IGSF5: variants seen among roughly 807,000 people sequenced by gnomAD.
IGSF5 encodes immunoglobulin superfamily member 5.
In IGSF5, 41 loss-of-function variants were observed where a neutral mutation model predicts 39.4. That is an observed-to-expected ratio of 1.04 (90% confidence interval 0.81 to 1.35). The LOEUF is 1.35. Ranked by LOEUF, IGSF5 falls within the 40% of genes most tolerant of loss-of-function variation. The pLI, the probability that IGSF5 is intolerant of heterozygous loss-of-function variation, is 0.00. For missense variants in IGSF5, 487 were observed against 494.6 expected (o/e 0.98, Z 0.15); for synonymous variants, 183 against 175.3 (o/e 1.04, Z -0.34).
At chr21:39,793,458 T>G in intron 7 of IGSF5, 76 bp from the exon 8 acceptor site, 1 of 1,150,176 alleles carries the variant, frequency 8.7e-7, no homozygotes, top group South Asian at 1.3e-5. Context: ...ATGTGTTTCT[T>G]TATAAATCAG....
chr21:39,734,971 C>T, the IGSF5 span, among the ~76,000 whole-genome samples: 1 of 151,960 alleles, frequency 6.6e-6, no homozygotes, highest in Admixed American at 6.6e-5. Flanking sequence ...TCAAGCGATT[C>T]TCCTGCTTCA....
chr21:39,715,492 T>C, the IGSF5 span, among the ~76,000 whole-genome samples: 1 of 152,216 alleles, frequency 6.6e-6, no homozygotes, highest in Non-Finnish European at 1.5e-5. Context: ...ATCTGAGCCA[T>C]AGCATTCCAA....
chr21:39,747,216 A>G (rs1353099099), intron 2 of IGSF5, among the ~76,000 whole-genome samples: 1 of 152,238 alleles, frequency 6.6e-6, no homozygotes, highest in African/African-American at 2.4e-5. Flanking sequence ...CTTACATGGC[A>G]GCAGCAAGAG....
the IGSF5 span, among the ~76,000 whole-genome samples, chr21:39,713,443 G>C: frequency 6.6e-6 from 1 of 152,172 alleles, no homozygotes; most frequent in Non-Finnish European, 1.5e-5. Flanking sequence ...TTTTTCTGCT[G>C]CTAATGATGT....
chr21:39,743,708 G>A (rs114889553), upstream of IGSF5, among the ~76,000 whole-genome samples: 251 of 152,248 alleles, frequency 1.6e-3, 2 homozygotes, highest in African/African-American at 5.8e-3. Context: ...ATAACTGCGA[G>A]TTGTCTCTTA....
intron 3 of IGSF5, among the ~76,000 whole-genome samples, chr21:39,768,523 G>A (rs2080097590): frequency 6.6e-6 from 1 of 152,194 alleles, no homozygotes; most frequent in Non-Finnish European, 1.5e-5. Flanking sequence ...AGATCGCTGA[G>A]TTGGTCCACT....
chr21:39,728,849 A>C, the IGSF5 span, among the ~76,000 whole-genome samples: 4 of 152,046 alleles, frequency 2.6e-5, no homozygotes, highest in African/African-American at 9.7e-5. Context: ...AAACATATCA[A>C]GTCTAATCTA....
At chr21:39,760,610 C>T (rs1044681441) in intron 2 of IGSF5, among the ~76,000 whole-genome samples, 4 of 151,766 alleles carry the variant, frequency 2.6e-5, no homozygotes, top group African/African-American at 4.8e-5. Context: ...CTCACTCTGT[C>T]GTCAGGCTGG....
At chr21:39,769,581 C>G (rs1386768530) in intron 3 of IGSF5, among the ~76,000 whole-genome samples, 2 of 150,696 alleles carry the variant, frequency 1.3e-5, no homozygotes, top group African/African-American at 2.4e-5. Context: ...AACTACATAT[C>G]TGTATGAAGT....
At chr21:39,714,980 C>T in the IGSF5 span, among the ~76,000 whole-genome samples, 11 of 152,320 alleles carry the variant, frequency 7.2e-5, no homozygotes, top group African/African-American at 1.7e-4. Context: ...GGTGAGTCTA[C>T]GGGCCTGATG....
rs186976027 is a variant in IGSF5 at position 39,746,264 on chromosome 21, G to C, written c.66G>C (p.Ala22=). The C allele has an allele frequency of 1.4e-6, 1 of 701,522 alleles. No homozygotes were observed. Among genetic ancestry groups the C allele is most frequent in the African/African-American group, 1.7e-5 (1 of 57,158 alleles). The allele number at this position is 701,522 out of a possible 1,614,324, so 43.5% of individuals were successfully genotyped here. Residue 22 remains alanine, a synonymous_variant, in exon 2 of 9, where the codon GCG becomes GCC. Transcript: ENST00000380588. ...ATCTGGAGGAATGGAAGTCAGCGGC[G>C]GGTCTGCGATGGTGGCAAACAGCAG... is the stretch of plus-strand genomic sequence containing the variant. The part of the protein sequence containing the change: ...LPDLEEWKSA[A]GLRWWQTAVV...
At chr21:39,733,811 C>T in the IGSF5 span, among the ~76,000 whole-genome samples, 6 of 152,166 alleles carry the variant, frequency 3.9e-5, no homozygotes, top group Non-Finnish European at 5.9e-5. Flanking sequence ...CCCTGGCCAT[C>T]GTTCTAATCT....
chr21:39,776,138 C>A (rs1331897241), intron 4 of IGSF5, among the ~76,000 whole-genome samples: 1 of 151,994 alleles, frequency 6.6e-6, no homozygotes, highest in East Asian at 1.9e-4. Flanking sequence ...AGTAAATGCA[C>A]TCTTTTTAAA....
chr21:39,777,819 C>A (rs909223352), intron 4 of IGSF5, among the ~76,000 whole-genome samples: 15 of 152,126 alleles, frequency 9.9e-5, no homozygotes, highest in Admixed American at 4.6e-4. Context: ...ACAGGAATAG[C>A]AAACTACTAT....
At position 39,793,541 on chromosome 21, in the gene IGSF5, T is replaced by C. The variant is rs1227512476; in HGVS notation, c.1056T>C (p.Ala352=). 1 of 1,613,898 alleles carries C rather than the reference T, an allele frequency of 6.2e-7. No individual in the cohort carries two copies. Among genetic ancestry groups the C allele is most frequent in the East Asian group, 2.2e-5 (1 of 44,884 alleles). ...ATTGTTCTTCTGTTGCAGACACCGC[T>C]TCTCTCCCTCCCAAATCCTGTGAAT... ...NSDEQKTTDT[A]SLPPKSCESS... The change falls in exon 8 of 9, where the codon GCT becomes GCC. Residue 352 remains alanine (A), a synonymous_variant. Transcript: ENST00000380588.
rs1200297222 is a variant in IGSF5, at chr21:39,765,987, C to A, written c.418+135C>A. 69 of 785,922 alleles carry A rather than the reference C, an allele frequency of 8.8e-5. 1 individual carries two copies. The East Asian group carries it at 1.9e-3, about 21-fold the overall frequency. 48.7% of individuals were successfully genotyped at this position (785,922 alleles called of 1,614,324 possible). On this transcript the variant is annotated intron_variant, in intron 3 of 8. Coordinates refer to ENST00000380588, the MANE Select transcript of IGSF5 (RefSeq NM_001080444.2). ...GGTGTTGACCTACAATTATTCTGAA[C>A]TGATGAATGTTTTGCGATTTATTTG...
In IGSF5 at chr21:39,789,403, A is replaced by C. The variant is rs537151150; in HGVS notation, c.956+1215A>C. 7.2e-5 allele frequency among the ~76,000 whole-genome samples: 11 copies of C among 152,258 alleles called. No individual in the cohort carries two copies. In the East Asian group the frequency reaches 1.9e-3, roughly 27 times the overall value. On this transcript the variant is annotated intron_variant, in intron 6 of 8. Transcript: ENST00000380588. ...TGTAGAATTTTTTGTCTGAATGTGA[A>C]CTGGACGGGCCCACCTCAGGGCTTG... is the stretch of plus-strand genomic sequence containing the variant.
At position 39,765,612 on chromosome 21, in the gene IGSF5, T is replaced by G; in HGVS notation, c.178T>G (p.Cys60Gly). ...VLKGSQARFNCTVSQGWKLIM... is the reference protein window; with the variant it reads ...VLKGSQARFNGTVSQGWKLIM... Reference sequence around the variant, plus strand: ...GAAGGGCTCCCAGGCTCGCTTCAACTGCACCGTCTCCCAGGGCTGGAAGCT... The same window carrying G: ...GAAGGGCTCCCAGGCTCGCTTCAACGGCACCGTCTCCCAGGGCTGGAAGCT... Residue 60 changes from cysteine to glycine, a missense_variant, in exon 3 of 9, where the codon TGC becomes GGC. Physicochemically the swap from Cys to Gly is radical, Grantham distance 159. Coordinates refer to ENST00000380588, the MANE Select transcript of IGSF5 (RefSeq NM_001080444.2). 6.2e-7 allele frequency: 1 copy of G among 1,614,090 alleles called. No individual in the cohort carries two copies. The highest frequency in any genetic ancestry group is 2.2e-5 in the East Asian group (1 of 44,872).
intron 4 of IGSF5, among the ~76,000 whole-genome samples, chr21:39,778,205 AT>A (rs2080150648): frequency 6.6e-6 from 1 of 152,206 alleles, no homozygotes; most frequent in Non-Finnish European, 1.5e-5. Context: ...TTCTGTGACG[AT>A]AAAAACGTTC....
Sources: gnomAD v4.1 joint callset for allele counts (sites outside exome capture counted in the v4.1 genomes callset) on GRCh38, gnomAD v4.1.1 for gene constraint, MANE v1.5 for transcripts, NCBI Gene and HGNC (gene_info 2026-07-23, HGNC 2026-07-21) for gene names.